BMPER: variants seen among roughly 807,000 people sequenced by gnomAD.
The protein encoded by BMPER is BMP binding endothelial regulator, also known as BMP-binding endothelial regulator protein.
In BMPER, 45 loss-of-function variants were observed where a neutral mutation model predicts 87.3. The ratio of observed to expected loss-of-function variants is 0.52; its 90% confidence interval spans 0.41 to 0.66. The LOEUF (loss-of-function observed/expected upper bound fraction) is 0.66, where lower values mean the gene tolerates loss of function less well. BMPER is among the 30% of genes least tolerant of loss of function. BMPER has a pLI of 0.00. For missense variants in BMPER, 784 were observed against 867.5 expected, an observed-to-expected ratio of 0.90 and a Z score of 1.21; for synonymous variants, 326 against 316.2, an observed-to-expected ratio of 1.03 and a Z score of -0.33.
At chr7:33,991,967 C>T (rs1362449991) in intron 6 of BMPER, among the ~76,000 whole-genome samples, 6 of 144,440 alleles carry the variant, frequency 4.2e-5, no homozygotes, top group African/African-American at 1.5e-4. Flanking sequence ...TTTGATTGCA[C>T]TGTGGTCTGA....
At chr7:33,991,814 G>A (rs1308698569) in intron 6 of BMPER, among the ~76,000 whole-genome samples, 2 of 147,130 alleles carry the variant, frequency 1.4e-5, no homozygotes, top group Non-Finnish European at 3.0e-5. Context: ...CTGGTATGTT[G>A]TGTCTTTGTT....
chr7:34,016,110 T>C (rs1787020146), intron 6 of BMPER, among the ~76,000 whole-genome samples: 1 of 151,906 alleles, frequency 6.6e-6, no homozygotes, highest in South Asian at 2.1e-4. Flanking sequence ...TCCCCAATCC[T>C]ATGTATTGTG....
chr7:33,987,852 TG>T (rs1423196979), intron 6 of BMPER, among the ~76,000 whole-genome samples: 1 of 152,190 alleles, frequency 6.6e-6, no homozygotes, highest in Non-Finnish European at 1.5e-5. Flanking sequence ...ATATTCATAA[TG>T]AATAAAAAGG....
intron 2 of BMPER, chr7:33,922,098 G>C (rs921244557): frequency 1.8e-5 from 5 of 285,538 alleles, no homozygotes; most frequent in Non-Finnish European, 3.6e-5. Flanking sequence ...CTGAGGGAGA[G>C]TGTAAAGTCA....
chr7:34,103,609 G>C (rs1789742890), intron 13 of BMPER, among the ~76,000 whole-genome samples: 1 of 152,156 alleles, frequency 6.6e-6, no homozygotes, highest in African/African-American at 2.4e-5. Context: ...TGAGGCAGAG[G>C]GGGAAGGGGA....
At chr7:33,970,745 A>G (rs921501556) in intron 5 of BMPER, among the ~76,000 whole-genome samples, 1 of 152,068 alleles carries the variant, frequency 6.6e-6, no homozygotes, top group Non-Finnish European at 1.5e-5. Flanking sequence ...ACTGCTTCAT[A>G]TTGCAAAATC....
chr7:33,912,082 C>T (rs973692193), intron 2 of BMPER, among the ~76,000 whole-genome samples: 1 of 152,122 alleles, frequency 6.6e-6, no homozygotes, highest in Admixed American at 6.5e-5. Context: ...TCTTTGGGCC[C>T]TGGTGTAAGT....
chr7:34,034,145 G>A (rs1175379578), intron 6 of BMPER, among the ~76,000 whole-genome samples: 1 of 152,146 alleles, frequency 6.6e-6, no homozygotes, highest in Non-Finnish European at 1.5e-5. Context: ...GTCTCAGCAT[G>A]TTCTGGCCAA....
Position 33,914,448 on chromosome 7 carries a change from A to T in BMPER, c.219+7545A>T, listed in dbSNP as rs6952679. Among the ~76,000 whole-genome samples, 1,260 of 152,110 alleles carry T rather than the reference A, an allele frequency of 8.3e-3. 17 individuals are homozygous for T. The highest frequency in any genetic ancestry group is 0.029 in the African/African-American group (1,190 of 41,506). On this transcript the variant is annotated intron_variant, in intron 2 of 14. Coordinates refer to ENST00000649409, the MANE Select transcript of BMPER (RefSeq NM_001365308.1). Reference sequence around the variant, plus strand: ...GGAAAAACTGAAGGGAATTTTGAGAAGTCTGGCCAATGTCATAGACACTGT... The same window carrying T: ...GGAAAAACTGAAGGGAATTTTGAGATGTCTGGCCAATGTCATAGACACTGT...
At chr7:33,935,451 CTT>C (rs1458534066) in intron 2 of BMPER, among the ~76,000 whole-genome samples, 3 of 152,122 alleles carry the variant, frequency 2.0e-5, no homozygotes, top group Admixed American at 2.0e-4. Context: ...CCATGGCAGT[CTT>C]TGTTAAGAAC....
intron 13 of BMPER, among the ~76,000 whole-genome samples, chr7:34,124,481 G>A (rs933491182): frequency 1.3e-5 from 2 of 150,158 alleles, no homozygotes; most frequent in East Asian, 1.9e-4. Flanking sequence ...TAATGGATTA[G>A]CATTGTGAAG....
chr7:34,038,874 G>A (rs1318868090), intron 6 of BMPER, among the ~76,000 whole-genome samples: 1 of 152,158 alleles, frequency 6.6e-6, no homozygotes, highest in Non-Finnish European at 1.5e-5. Context: ...GTAGCCATAT[G>A]TCCAGGTTTT....
intron 3 of BMPER, among the ~76,000 whole-genome samples, chr7:33,951,881 A>G (rs768236917): frequency 2.0e-5 from 3 of 152,184 alleles, no homozygotes; most frequent in Non-Finnish European, 4.4e-5. Flanking sequence ...TAGGGAGCGA[A>G]TGAGAATGGA....
chr7:33,921,418 C>T (rs945792893), intron 2 of BMPER, among the ~76,000 whole-genome samples: 8 of 152,196 alleles, frequency 5.3e-5, no homozygotes, highest in African/African-American at 1.4e-4. Flanking sequence ...CTGCAATCAG[C>T]GAGAGTTGGG....
intron 6 of BMPER, among the ~76,000 whole-genome samples, chr7:34,011,583 C>CAAAAAAAAAAAAAAAAAAAAAAAAAA (rs36022297): frequency 2.2e-5 from 1 of 45,764 alleles, no homozygotes; most frequent in African/African-American, 6.6e-5. Context: ...TTGGTCAGGG[C>CAAAAAAAAAAAAAAAAAAAAAAAAAA]AAAAAAAAAA....
intron 13 of BMPER, among the ~76,000 whole-genome samples, chr7:34,112,816 AAAT>A (rs1790015810): frequency 6.6e-6 from 1 of 151,992 alleles, no homozygotes; most frequent in Admixed American, 6.6e-5. Flanking sequence ...ATTGCTTTAC[AAAT>A]ATTAACTCAT....
intron 11 of BMPER, among the ~76,000 whole-genome samples, chr7:34,065,247 T>C (rs4000116): frequency 8.9e-4 from 128 of 144,534 alleles, no homozygotes; most frequent in African/African-American, 3.0e-3. Flanking sequence ...TCTCTCTCTC[T>C]CCCTCTCTCT....
At chr7:34,141,214 G>T (rs927354856) in intron 13 of BMPER, among the ~76,000 whole-genome samples, 1 of 126,966 alleles carries the variant, frequency 7.9e-6, no homozygotes, top group Non-Finnish European at 1.7e-5. Context: ...GAATTCCAGA[G>T]TCTCTACCCA....
At chr7:34,019,285 A>G (rs1787118409) in intron 6 of BMPER, among the ~76,000 whole-genome samples, 1 of 152,036 alleles carries the variant, frequency 6.6e-6, no homozygotes, top group South Asian at 2.1e-4. Context: ...CCATACAGAC[A>G]GCTACGATTC....
Sources: gnomAD v4.1 joint callset for allele counts (sites outside exome capture counted in the v4.1 genomes callset) on GRCh38, gnomAD v4.1.1 for gene constraint, MANE v1.5 for transcripts, NCBI Gene and HGNC (gene_info 2026-07-23, HGNC 2026-07-21) for gene names.